The following SORCS1 variants were observed in gnomAD, a reference collection of about 807,000 sequenced individuals.
SORCS1 encodes the protein VPS10 domain-containing receptor SorCS1.
SORCS1 carries 60 observed loss-of-function variants against 146.1 expected under a neutral mutation model. That is an observed-to-expected ratio of 0.41 (90% confidence interval 0.33 to 0.51). The LOEUF is 0.51. Ranked by LOEUF, SORCS1 falls within the 20% of genes least tolerant of loss-of-function variation. The pLI is 0.21. For missense variants in SORCS1, 1,352 were observed against 1,487.6 expected (o/e 0.91, Z 1.50); for synonymous variants, 637 against 584.0 (o/e 1.09, Z -1.31).
At chr10:106,932,197 T>C (rs532422848) in intron 2 of SORCS1, among the ~76,000 whole-genome samples, 5 of 152,340 alleles carry the variant, frequency 3.3e-5, no homozygotes, top group African/African-American at 9.6e-5. Context: ...ATAGTATTAA[T>C]ATAGTCTACA....
chr10:106,607,988 T>C (rs922261358), intron 22 of SORCS1, among the ~76,000 whole-genome samples: 14 of 152,212 alleles, frequency 9.2e-5, no homozygotes, highest in African/African-American at 3.1e-4. Flanking sequence ...ATTACAGATA[T>C]CACTCAAGGA....
At chr10:107,173,283 T>A in the SORCS1 span, among the ~76,000 whole-genome samples, 1 of 152,128 alleles carries the variant, frequency 6.6e-6, no homozygotes, top group South Asian at 2.1e-4. Context: ...TTATATAGGA[T>A]GAATAAGTCT....
intron 2 of SORCS1, among the ~76,000 whole-genome samples, chr10:106,839,894 C>T (rs1235386379): frequency 1.3e-5 from 2 of 152,178 alleles, no homozygotes; most frequent in African/African-American, 2.4e-5. Context: ...CATCTGTTTA[C>T]AGCATGGCTT....
At chr10:106,887,293 A>G (rs1035832418) in intron 2 of SORCS1, among the ~76,000 whole-genome samples, 1 of 152,254 alleles carries the variant, frequency 6.6e-6, no homozygotes, top group African/African-American at 2.4e-5. Context: ...TTGAAACAAT[A>G]TCACTATTTG....
chr10:106,776,796 G>A (rs926126645), intron 3 of SORCS1, 104 bp from the exon 4 acceptor site: 4 of 1,251,878 alleles, frequency 3.2e-6, no homozygotes, highest in Admixed American at 2.4e-5. Context: ...GACAGGGGCA[G>A]GCAAAGAATG....
At chr10:106,598,920 C>T (rs947766571) in intron 23 of SORCS1, among the ~76,000 whole-genome samples, 2 of 152,290 alleles carry the variant, frequency 1.3e-5, no homozygotes, top group South Asian at 2.1e-4. Flanking sequence ...CGTTGAGCAC[C>T]TGGGATCCAG....
intron 1 of SORCS1, among the ~76,000 whole-genome samples, chr10:107,066,171 G>A (rs1203640843): frequency 6.6e-6 from 1 of 151,862 alleles, no homozygotes; most frequent in Non-Finnish European, 1.5e-5. Context: ...TTTCTCATTT[G>A]GTCTGGAATG....
chr10:106,983,766 A>C (rs574696698), intron 1 of SORCS1, among the ~76,000 whole-genome samples: 1 of 152,286 alleles, frequency 6.6e-6, no homozygotes, highest in African/African-American at 2.4e-5. Flanking sequence ...TTTTACTACA[A>C]AACACTAAAT....
At chr10:106,748,748 G>C (rs1352003016) in intron 5 of SORCS1, among the ~76,000 whole-genome samples, 1 of 152,108 alleles carries the variant, frequency 6.6e-6, no homozygotes, top group East Asian at 1.9e-4. Context: ...TCTTACACCT[G>C]TGTGTGAGTG....
intron 2 of SORCS1, among the ~76,000 whole-genome samples, chr10:106,838,921 G>C (rs573987081): frequency 3.3e-5 from 5 of 151,986 alleles, no homozygotes; most frequent in Non-Finnish European, 7.4e-5. Flanking sequence ...AATCATTTTG[G>C]GGTGCCCTGA....
intron 10 of SORCS1, among the ~76,000 whole-genome samples, chr10:106,681,949 G>A (rs547488118): frequency 6.6e-6 from 1 of 152,188 alleles, no homozygotes; most frequent in East Asian, 1.9e-4. Flanking sequence ...CCAACATGGT[G>A]AAACCCTGTC....
At chr10:107,039,284 C>T (rs545810494) in intron 1 of SORCS1, among the ~76,000 whole-genome samples, 3 of 143,464 alleles carry the variant, frequency 2.1e-5, no homozygotes, top group East Asian at 2.1e-4. Flanking sequence ...GCGTAGATCG[C>T]GTCACTGCAC....
chr10:106,704,853 G>A (rs1266978916), intron 8 of SORCS1, among the ~76,000 whole-genome samples: 3 of 152,140 alleles, frequency 2.0e-5, no homozygotes, highest in Non-Finnish European at 4.4e-5. Flanking sequence ...AATCCTGCAA[G>A]TCAACTACTT....
chr10:107,178,628 A>G, the SORCS1 span, among the ~76,000 whole-genome samples: 1 of 152,042 alleles, frequency 6.6e-6, no homozygotes, highest in Admixed American at 6.6e-5. Context: ...AGCTGGGACT[A>G]TAGGTGCATG....
At chr10:106,814,634 G>A (rs1947637223) in intron 3 of SORCS1, among the ~76,000 whole-genome samples, 1 of 152,024 alleles carries the variant, frequency 6.6e-6, no homozygotes, top group Non-Finnish European at 1.5e-5. Context: ...GGTGGTCTTG[G>A]CCGGGCGCAG....
chr10:106,803,547 T>A (rs751799925), intron 3 of SORCS1, among the ~76,000 whole-genome samples: 11 of 152,200 alleles, frequency 7.2e-5, no homozygotes, highest in Non-Finnish European at 1.3e-4. Context: ...TTGGTCAGAT[T>A]CCAATCTGTT....
At chr10:106,921,301 C>T (rs1176777109) in intron 2 of SORCS1, among the ~76,000 whole-genome samples, 5 of 152,176 alleles carry the variant, frequency 3.3e-5, no homozygotes, top group African/African-American at 1.2e-4. Flanking sequence ...TTCTCAAGTT[C>T]TCTTCACTCA....
intron 1 of SORCS1, among the ~76,000 whole-genome samples, chr10:107,103,710 GAAA>G (rs1965107690): frequency 1.3e-5 from 2 of 152,146 alleles, no homozygotes; most frequent in Admixed American, 1.3e-4. Flanking sequence ...TTGTATTAAT[GAAA>G]TATGCCATCT....
chr10:106,631,735 A>G (rs961505889), intron 18 of SORCS1, among the ~76,000 whole-genome samples: 1 of 152,230 alleles, frequency 6.6e-6, no homozygotes, highest in African/African-American at 2.4e-5. Flanking sequence ...ATTGAGAGAC[A>G]GCAGACACTC....
Sources: gnomAD v4.1 joint callset for allele counts (sites outside exome capture counted in the v4.1 genomes callset) on GRCh38, gnomAD v4.1.1 for gene constraint, MANE v1.5 for transcripts, NCBI Gene and HGNC (gene_info 2026-07-23, HGNC 2026-07-21) for gene names.